The following KMT2C variants were observed in gnomAD, a reference collection of about 807,000 sequenced individuals.
The protein encoded by KMT2C is histone-lysine N-methyltransferase 2C.
Under a neutral mutation model 507.9 loss-of-function variants are expected in KMT2C, and 88 were observed. The ratio of observed to expected loss-of-function variants is 0.17; its 90% CI spans 0.15 to 0.21. The LOEUF (loss-of-function observed/expected upper bound fraction) is 0.21, where lower values mean the gene tolerates loss of function less well. KMT2C is among the 10% of genes least tolerant of loss of function. The pLI is 1.00. For missense variants in KMT2C, 4,954 were observed against 5,957.8 expected, an observed-to-expected ratio of 0.83 and a Z score of 5.55; for synonymous variants, 2,049 against 2,080.8, an observed-to-expected ratio of 0.98 and a Z score of 0.42.
chr7:152,395,246 G>A (rs1160497538), intron 1 of KMT2C, among the ~76,000 whole-genome samples: 2 of 151,958 alleles, frequency 1.3e-5, no homozygotes, highest in South Asian at 2.1e-4. Context: ...GTGCAGTGGC[G>A]CAACCATGAC....
chr7:152,351,875 A>C (rs1225467692), intron 2 of KMT2C, among the ~76,000 whole-genome samples: 1 of 152,124 alleles, frequency 6.6e-6, no homozygotes, highest in Non-Finnish European at 1.5e-5. Context: ...GGACCCTGTG[A>C]TGATTGCATT....
intron 6 of KMT2C, among the ~76,000 whole-genome samples, chr7:152,305,613 G>C (rs943854198): frequency 5.3e-5 from 8 of 151,876 alleles, no homozygotes. Context: ...AAGTAGAGCA[G>C]TGACATGACT....
chr7:152,367,121 T>C, intron 1 of KMT2C: 2 of 968,070 alleles, frequency 2.1e-6, no homozygotes, highest in Admixed American at 4.0e-5. Context: ...GAGAAGAGTG[T>C]GGTCTCCTAG....
chr7:152,352,603 A>C (rs1198634673), intron 2 of KMT2C, among the ~76,000 whole-genome samples: 1 of 152,094 alleles, frequency 6.6e-6, no homozygotes. Context: ...TATTTCTCAA[A>C]CCAGCCGAAG....
intron 40 of KMT2C, among the ~76,000 whole-genome samples, chr7:152,169,904 C>CT (rs1312714813): frequency 1.1e-4 from 16 of 151,988 alleles, no homozygotes; most frequent in Admixed American, 5.2e-4. Flanking sequence ...AGTTAAAAGT[C>CT]TTATTTCTTC....
chr7:152,349,241 T>C (rs779431689), intron 2 of KMT2C, among the ~76,000 whole-genome samples: 13 of 151,742 alleles, frequency 8.6e-5, no homozygotes, highest in Non-Finnish European at 1.9e-4. Flanking sequence ...AGATCAGGAG[T>C]TCGAGACCAG....
chr7:152,297,051 A>AAGAAAGAAAGAAAGAGAGAG (rs1356233143), intron 6 of KMT2C, among the ~76,000 whole-genome samples: 1 of 60,272 alleles, frequency 1.7e-5, no homozygotes, highest in Non-Finnish European at 3.3e-5. Flanking sequence ...GAAAGAAAGA[A>AAGAAAGAAAGAAAGAGAGAG]AGACAGAGAG....
At chr7:152,419,757 C>T (rs2097767316) in intron 1 of KMT2C, among the ~76,000 whole-genome samples, 1 of 152,234 alleles carries the variant, frequency 6.6e-6, no homozygotes, top group Non-Finnish European at 1.5e-5. Context: ...GACTCAATCA[C>T]TTACAAGCTA....
At chr7:152,222,135 A>G in intron 21 of KMT2C, 69 bp from the exon 22 acceptor site, 1 of 990,268 alleles carries the variant, frequency 1.0e-6, no homozygotes, top group African/African-American at 1.7e-5. Flanking sequence ...ATACTTATAT[A>G]TGATTATAAT....
intron 1 of KMT2C, among the ~76,000 whole-genome samples, chr7:152,369,684 G>A (rs898342227): frequency 6.6e-6 from 1 of 152,118 alleles, no homozygotes; most frequent in Non-Finnish European, 1.5e-5. Flanking sequence ...CTCATGTTTG[G>A]CCTCTCTTTG....
intron 13 of KMT2C, among the ~76,000 whole-genome samples, chr7:152,249,456 T>G (rs1170289103): frequency 6.6e-6 from 1 of 151,454 alleles, no homozygotes; most frequent in Middle Eastern, 3.4e-3. Context: ...CCCAAGCTGC[T>G]GGGACTGCAC....
At chr7:152,387,071 T>C (rs1306297696) in intron 1 of KMT2C, among the ~76,000 whole-genome samples, 1 of 152,086 alleles carries the variant, frequency 6.6e-6, no homozygotes, top group Non-Finnish European at 1.5e-5. Context: ...GCCCAAAATG[T>C]TAAGTGGGGT....
At chr7:152,232,088 C>T (rs2095135890) in intron 16 of KMT2C, among the ~76,000 whole-genome samples, 1 of 152,018 alleles carries the variant, frequency 6.6e-6, no homozygotes, top group Non-Finnish European at 1.5e-5. Context: ...ACCATGTTAG[C>T]CAGGATGGTC....
At chr7:152,434,741 T>C (rs1303045061) in intron 1 of KMT2C, among the ~76,000 whole-genome samples, 1 of 152,114 alleles carries the variant, frequency 6.6e-6, no homozygotes, top group African/African-American at 2.4e-5. Context: ...AAATAACCGT[T>C]CTGTAAGAAG....
intron 42 of KMT2C, among the ~76,000 whole-genome samples, chr7:152,165,648 A>C (rs1048658674): frequency 2.6e-5 from 4 of 152,210 alleles, no homozygotes; most frequent in Admixed American, 1.3e-4. Context: ...AATAGTTATA[A>C]GCAAACATGT....
chr7:152,219,525 C>G (rs556296151), intron 23 of KMT2C, among the ~76,000 whole-genome samples: 2 of 151,568 alleles, frequency 1.3e-5, no homozygotes, highest in African/African-American at 4.8e-5. Context: ...GCAGAAGGAT[C>G]ACTTGAGCCC....
chr7:152,315,447 C>T (rs1037460832), intron 3 of KMT2C, 109 bp from the exon 4 acceptor site: 1 of 720,658 alleles, frequency 1.4e-6, no homozygotes, highest in Non-Finnish European at 2.3e-6. Flanking sequence ...AAAGCACAAG[C>T]TAAGCTTTTC....
chr7:152,349,081 A>C (rs1050385831), intron 2 of KMT2C, among the ~76,000 whole-genome samples: 8 of 152,230 alleles, frequency 5.3e-5, no homozygotes, highest in African/African-American at 1.9e-4. Context: ...GCAAATGGAT[A>C]AACTCTGGTC....
At chr7:152,176,166 C>G (rs549228146) in intron 38 of KMT2C, 25 bp downstream of exon 38, 10 of 1,559,542 alleles carry the variant, frequency 6.4e-6, no homozygotes, top group South Asian at 1.2e-5. Context: ...TAGTAATATA[C>G]GTTGAGACTC....
Sources: allele counts gnomAD v4.1 joint callset (sites outside exome capture counted in the v4.1 genomes callset), GRCh38; gene constraint gnomAD v4.1.1; transcripts MANE v1.5; gene names NCBI Gene and HGNC (gene_info 2026-07-23, HGNC 2026-07-21).